Variants in MSH3 observed in about 807,000 individuals in gnomAD.
MSH3 encodes the protein DNA mismatch repair protein Msh3.
A neutral mutation model predicts 123.3 loss-of-function variants in MSH3; 106 were observed. The ratio of observed to expected loss-of-function variants is 0.86; its 90% CI spans 0.73 to 1.01. The LOEUF (loss-of-function observed/expected upper bound fraction) is 1.01, where lower values mean the gene tolerates loss of function less well. Among genes scored for constraint, MSH3 ranks in the 50% least tolerant of loss-of-function variants. The pLI is 0.00. For synonymous variants in MSH3, 515 were observed against 481.4 expected (o/e 1.07, Z -0.91); for missense variants, 1,459 against 1,347.6 (o/e 1.08, Z -1.29).
chr5:80,847,481 T>C (rs974147142), intron 20 of MSH3, among the ~76,000 whole-genome samples: 3 of 152,116 alleles, frequency 2.0e-5, no homozygotes, highest in Admixed American at 1.3e-4. Flanking sequence ...AAAGTTTAGA[T>C]GAATATAAAT....
chr5:80,663,433 C>T (rs1431627542), intron 2 of MSH3, among the ~76,000 whole-genome samples: 2 of 152,008 alleles, frequency 1.3e-5, no homozygotes, highest in African/African-American at 4.8e-5. Context: ...CTCTCTACTC[C>T]ATTTCAATTG....
At chr5:80,848,639 C>T (rs970111210) in intron 20 of MSH3, among the ~76,000 whole-genome samples, 22 of 152,128 alleles carry the variant, frequency 1.4e-4, no homozygotes, top group African/African-American at 1.7e-4. Context: ...GGGAAATGCG[C>T]GTTTTTAAAA....
chr5:80,677,230 T>A (rs914447316), intron 7 of MSH3, among the ~76,000 whole-genome samples: 1 of 152,198 alleles, frequency 6.6e-6, no homozygotes, highest in Non-Finnish European at 1.5e-5. Flanking sequence ...TATTGGTAAT[T>A]AGTCTGAAAT....
intron 20 of MSH3, among the ~76,000 whole-genome samples, chr5:80,851,373 T>C (rs1315586932): frequency 5.3e-5 from 8 of 152,196 alleles, no homozygotes; most frequent in Non-Finnish European, 1.0e-4. Context: ...CTCTGCTAAC[T>C]TAGCAATATA....
chr5:80,860,130 A>G (rs1745991131), intron 21 of MSH3, among the ~76,000 whole-genome samples: 1 of 152,164 alleles, frequency 6.6e-6, no homozygotes, highest in African/African-American at 2.4e-5. Context: ...ATATATAAAC[A>G]TACATAATCG....
chr5:80,807,254 T>C (rs1744908342), intron 19 of MSH3, among the ~76,000 whole-genome samples: 1 of 144,382 alleles, frequency 6.9e-6, no homozygotes, highest in African/African-American at 2.6e-5. Context: ...TGACATATAA[T>C]GAAACCAATT....
At chr5:80,777,078 C>T (rs995369534) in intron 16 of MSH3, among the ~76,000 whole-genome samples, 2 of 151,722 alleles carry the variant, frequency 1.3e-5, no homozygotes, top group African/African-American at 4.8e-5. Flanking sequence ...ATTACAGGCA[C>T]CTGCCACCAC....
intron 8 of MSH3, among the ~76,000 whole-genome samples, chr5:80,694,451 A>G (rs577794228): frequency 7.9e-5 from 12 of 152,162 alleles, no homozygotes; most frequent in Non-Finnish European, 1.6e-4. Flanking sequence ...CATTTATAAT[A>G]TAATTACCTT....
chr5:80,817,003 T>A (rs1302911766), intron 20 of MSH3, among the ~76,000 whole-genome samples: 1 of 152,216 alleles, frequency 6.6e-6, no homozygotes, highest in Non-Finnish European at 1.5e-5. Flanking sequence ...TGTAAATTTG[T>A]TGTGAGACAT....
rs1744252029 is a variant in MSH3, at chr5:80,773,765, T to C, written c.2254-1929T>C. 2.0e-5 allele frequency among the ~76,000 whole-genome samples: 3 copies of C among 152,268 alleles called. No homozygotes were observed. The South Asian group carries it at 6.2e-4, about 32-fold the overall frequency. On this transcript the variant is annotated intron_variant, in intron 15 of 23. Coordinates refer to ENST00000265081, the MANE Select transcript of MSH3 (RefSeq NM_002439.5). The stretch of plus-strand genomic sequence containing the variant: ...ATGAATCATTGAATTAGTTCTTTTG[T>C]TTTTCTTTTTGTTTTTTATTAAGAC...
At chr5:80,666,303 C>T (rs889596049) in intron 3 of MSH3, among the ~76,000 whole-genome samples, 11 of 152,116 alleles carry the variant, frequency 7.2e-5, no homozygotes, top group African/African-American at 2.7e-4. Flanking sequence ...ATATATGAGT[C>T]ATTGAAATTC....
intron 12 of MSH3, among the ~76,000 whole-genome samples, chr5:80,757,105 G>A (rs912243067): frequency 2.0e-5 from 3 of 151,854 alleles, no homozygotes; most frequent in African/African-American, 7.3e-5. Flanking sequence ...ATGTTGGTAG[G>A]TACATAGTAG....
intron 8 of MSH3, among the ~76,000 whole-genome samples, chr5:80,711,567 C>T (rs375912533): frequency 2.6e-5 from 4 of 152,312 alleles, no homozygotes; most frequent in African/African-American, 7.2e-5. Flanking sequence ...GGCTGCCATC[C>T]TTCTAAGAAG....
Position 80,674,992 on chromosome 5 carries a change from C to G in MSH3, c.1037C>G (p.Pro346Arg), listed in dbSNP as rs773569755. The part of the protein sequence containing the change: ...KSTLIGEDVN[P>R]LIKLDDAVNV... ...CTTTAATTATTATTAAATGTGAATC[C>G]CCTAATCAAGCTGGATGATGCTGTA... The change falls in exon 7 of 24, where the codon CCC becomes CGC. Residue 346 changes from proline (P) to arginine (R), a missense_variant. Physicochemically the swap from Pro to Arg is moderately radical, Grantham distance 103. Coordinates refer to ENST00000265081, the MANE Select transcript of MSH3 (RefSeq NM_002439.5). 10 of 1,604,112 alleles carry G rather than the reference C, an allele frequency of 6.2e-6. No homozygotes were observed. The East Asian group carries it at 9.0e-5, about 14-fold the overall frequency.
intron 3 of MSH3, among the ~76,000 whole-genome samples, chr5:80,667,198 AATAAAGT>A (rs1749591816): frequency 6.6e-6 from 1 of 152,226 alleles, no homozygotes; most frequent in African/African-American, 2.4e-5. Context: ...TTCCTAAAAG[AATAAAGT>A]ATAAAGTAAG....
intron 19 of MSH3, among the ~76,000 whole-genome samples, chr5:80,804,637 C>G (rs1744852303): frequency 6.6e-6 from 1 of 152,166 alleles, no homozygotes; most frequent in South Asian, 2.1e-4. Flanking sequence ...ACAAACGGAG[C>G]CTGTCTCTGC....
intron 20 of MSH3, among the ~76,000 whole-genome samples, chr5:80,844,192 C>T (rs2112094588): frequency 6.6e-6 from 1 of 151,940 alleles, no homozygotes; most frequent in South Asian, 2.1e-4. Context: ...GTTCAGTTTC[C>T]ATGTAGTTGT....
At chr5:80,772,258 T>C (rs1744225719) in intron 15 of MSH3, among the ~76,000 whole-genome samples, 1 of 152,216 alleles carries the variant, frequency 6.6e-6, no homozygotes, top group African/African-American at 2.4e-5. Context: ...AATACCTGTT[T>C]ACTGGTTTAA....
At chr5:80,761,771 T>C in intron 13 of MSH3, 93 bp downstream of exon 13, 1 of 1,382,332 alleles carries the variant, frequency 7.2e-7, no homozygotes, top group Non-Finnish European at 1.0e-6. Context: ...TCTATTATTA[T>C]TTTATTTTGT....
Sources: gnomAD v4.1 joint callset for allele counts (sites outside exome capture counted in the v4.1 genomes callset) on GRCh38, gnomAD v4.1.1 for gene constraint, MANE v1.5 for transcripts, NCBI Gene and HGNC (gene_info 2026-07-23, HGNC 2026-07-21) for gene names.